Variants in ATG4A observed in about 807,000 individuals in gnomAD.
ATG4A encodes the protein autophagy related 4A cysteine peptidase.
Under a neutral mutation model 38.4 loss-of-function variants are expected in ATG4A, and 22 were observed. The ratio of observed to expected loss-of-function variants is 0.57; its 90% CI spans 0.41 to 0.82. The LOEUF (loss-of-function observed/expected upper bound fraction) is 0.82, where lower values mean the gene tolerates loss of function less well. Ranked by LOEUF, ATG4A falls within the 40% of genes least tolerant of loss-of-function variation. ATG4A has a pLI of 0.00. For missense variants in ATG4A, 220 were observed against 290.0 expected, an observed-to-expected ratio of 0.76 and a Z score of 1.75; for synonymous variants, 86 against 100.7, an observed-to-expected ratio of 0.85 and a Z score of 0.88.
chrX:108,099,303 T>C (rs1233736494), intron 1 of ATG4A, among the ~76,000 whole-genome samples: 2 of 111,781 alleles, frequency 1.8e-5, no homozygotes, highest in Non-Finnish European at 3.8e-5. Flanking sequence ...TTCATTTAAA[T>C]ATCTCTTTAT....
chrX:108,103,160 A>G (rs1251602076), intron 1 of ATG4A, among the ~76,000 whole-genome samples: 1 of 111,941 alleles, frequency 8.9e-6, no homozygotes, highest in Non-Finnish European at 1.9e-5. Flanking sequence ...TGCAAAGGAC[A>G]TGATCTCTTT....
chrX:108,115,623 T>A (rs182931076), intron 1 of ATG4A, among the ~76,000 whole-genome samples: 27 of 112,585 alleles, frequency 2.4e-4, no homozygotes, highest in African/African-American at 8.7e-4. Flanking sequence ...ACACCACAAA[T>A]TTTTTAATCC....
chrX:108,134,404 G>T lies in ATG4A; in HGVS notation c.460G>T (p.Val154Leu), dbSNP rs1211594328. 8.3e-7 allele frequency: 1 copy of T among 1,207,844 alleles called. No individual in the cohort carries two copies. ...GTTTGGACCAAATACAGTTGCACAGGTGTTAAAGTAAGTAAAAGAGTCTGG... is the reference window on the plus strand; with the variant it reads ...GTTTGGACCAAATACAGTTGCACAGTTGTTAAAGTAAGTAAAAGAGTCTGG... ...EWFGPNTVAQ[V>L]LKKLALFDEW... The change falls in exon 6 of 13, where the codon GTG becomes TTG. Residue 154 changes from valine (V) to leucine (L), a missense_variant. Val to Leu is a conservative substitution (Grantham distance 32). Coordinates refer to ENST00000372232, the MANE Select transcript of ATG4A (RefSeq NM_052936.5).
Position 108,153,102 on chromosome X carries a change from A to C in ATG4A, c.1126+15A>C. On this transcript the variant is annotated intron_variant, in intron 12 of 12. Coordinates refer to ENST00000372232, the MANE Select transcript of ATG4A (RefSeq NM_052936.5). ...CACTGGGGCAGGTAAGCTGTTGTTC[A>C]ATGGCTCTCAGCTAGCAGACCCACA... 1 of 1,119,251 alleles carries C rather than the reference A, an allele frequency of 8.9e-7. No homozygotes were observed. Among genetic ancestry groups the C allele is most frequent in the Non-Finnish European group, 1.2e-6 (1 of 811,976 alleles). 92.2% of individuals were successfully genotyped at this position (1,119,251 alleles called of 1,213,427 possible). A position where few individuals can be genotyped will look rare whatever the true frequency, so the allele number is the denominator to read the frequency against.
chrX:108,091,564 T>C (rs754153357), upstream of ATG4A: 2 of 1,142,594 alleles, frequency 1.8e-6, no homozygotes, highest in African/African-American at 3.6e-5. Flanking sequence ...AACGCCCGCC[T>C]CACGTCGCCG....
At chrX:108,148,028 T>TATATATATATATAA (rs2033470275) in intron 9 of ATG4A, among the ~76,000 whole-genome samples, 1 of 1,178 alleles carries the variant, frequency 8.5e-4, no homozygotes, top group African/African-American at 6.0e-3. Flanking sequence ...AAAATATATA[T>TATATATATATATAA]ATATATATAT....
intron 1 of ATG4A, among the ~76,000 whole-genome samples, chrX:108,100,900 G>T (rs2031987734): frequency 9.0e-6 from 1 of 110,947 alleles, no homozygotes; most frequent in Admixed American, 9.6e-5. Flanking sequence ...GTGCAATATT[G>T]GCCTTATAAT....
intron 1 of ATG4A, among the ~76,000 whole-genome samples, chrX:108,101,812 T>C (rs1415121222): frequency 9.2e-6 from 1 of 108,910 alleles, no homozygotes; most frequent in African/African-American, 3.3e-5. Flanking sequence ...TTTAGATATA[T>C]AAGTGGAATC....
upstream of ATG4A, chrX:108,091,323 G>C: frequency 2.2e-6 from 2 of 901,924 alleles, no homozygotes; most frequent in South Asian, 2.0e-5. Context: ...CTCAGAAACG[G>C]GGCCTCCGCT....
At chrX:108,146,730 T>A (rs2033432029) in intron 9 of ATG4A, among the ~76,000 whole-genome samples, 1 of 111,920 alleles carries the variant, frequency 8.9e-6, no homozygotes, top group African/African-American at 3.2e-5. Flanking sequence ...ACCATCCCAA[T>A]CTCCCTAAGC....
At position 108,112,850 on chromosome X, in the gene ATG4A, C is replaced by T. The variant is rs1368344887; in HGVS notation, c.11-13227C>T. Among the ~76,000 whole-genome samples, 3 of 111,113 alleles carry T rather than the reference C, an allele frequency of 2.7e-5. No individual in the cohort carries two copies. The Admixed American group carries it at 2.9e-4, about 11-fold the overall frequency. On this transcript the variant is annotated intron_variant, in intron 1 of 12. Transcript: ENST00000372232. ...GTCTTCCCCTGTACTAAATGGTCCC[C>T]GAACATTTAGTCTGTGTATGTGTGT...
intron 1 of ATG4A, among the ~76,000 whole-genome samples, chrX:108,095,323 C>T (rs1045048540): frequency 4.5e-5 from 5 of 112,119 alleles, no homozygotes; most frequent in Admixed American, 9.4e-5. Flanking sequence ...CTCCCTAGCA[C>T]AAGCAATCCT....
chrX:108,130,068 A>G (rs2032915595), intron 3 of ATG4A, among the ~76,000 whole-genome samples: 1 of 110,710 alleles, frequency 9.0e-6, no homozygotes, highest in Non-Finnish European at 1.9e-5. Flanking sequence ...TGTGGGCCTC[A>G]TTGCATCTTT....
rs181378364 is a variant in ATG4A, at chrX:108,130,569, A to G, written c.194-691A>G. ...ACATCAAGTATTTGCATCATCCTCT[A>G]TGGGTTCTAGAACACTTTCACAGAT... On this transcript the variant is annotated intron_variant, in intron 3 of 12. Coordinates refer to ENST00000372232, the MANE Select transcript of ATG4A (RefSeq NM_052936.5). Among the ~76,000 whole-genome samples, 83 of 112,344 alleles carry G rather than the reference A, an allele frequency of 7.4e-4. No individual in the cohort carries two copies. The East Asian group carries it at 0.016, about 21-fold the overall frequency.
At chrX:108,116,097 C>T (rs1336526682) in intron 1 of ATG4A, among the ~76,000 whole-genome samples, 1 of 111,576 alleles carries the variant, frequency 9.0e-6, no homozygotes. Context: ...TTTTCTTGGG[C>T]GATGTGGCTC....
chrX:108,108,049 C>T (rs2032232856), intron 1 of ATG4A, among the ~76,000 whole-genome samples: 1 of 110,161 alleles, frequency 9.1e-6, no homozygotes, highest in African/African-American at 3.3e-5. Flanking sequence ...ATAGTTTTTT[C>T]TGCTGTGGTG....
intron 9 of ATG4A, among the ~76,000 whole-genome samples, chrX:108,139,128 C>T (rs898092236): frequency 6.3e-5 from 7 of 110,966 alleles, no homozygotes; most frequent in African/African-American, 2.3e-4. Flanking sequence ...CATGAGGGCA[C>T]GTGCAAAGGA....
intron 9 of ATG4A, 139 bp from the exon 10 acceptor site, chrX:108,150,013 C>A: frequency 1.4e-6 from 1 of 719,406 alleles, no homozygotes. Context: ...CATGCTCACC[C>A]TGGCTTCAGG....
At position 108,152,993 on chromosome X, in the gene ATG4A, G is replaced by A. The variant is rs376634565; in HGVS notation, c.1032G>A (p.Glu344=). ...CATCTCCCCAGGAAATTCTAAAGGA[G>A]AATTTAAGGATGTTTGAATTAGTTC... The part of the protein sequence containing the change: ...CSLVQKEILK[E]NLRMFELVQK... Residue 344 remains glutamate, a synonymous_variant, in exon 12 of 13, where the codon GAG becomes GAA. Coordinates refer to ENST00000372232, the MANE Select transcript of ATG4A (RefSeq NM_052936.5). 3 of 1,204,871 alleles carry A rather than the reference G, an allele frequency of 2.5e-6. No individual in the cohort carries two copies. Among genetic ancestry groups the A allele is most frequent in the Non-Finnish European group, 3.4e-6 (3 of 890,571 alleles).
Sources: allele counts gnomAD v4.1 joint callset (sites outside exome capture counted in the v4.1 genomes callset), GRCh38; gene constraint gnomAD v4.1.1; transcripts MANE v1.5; gene names NCBI Gene and HGNC (gene_info 2026-07-23, HGNC 2026-07-21).